The following STK17B variants were observed in gnomAD, a reference collection of about 807,000 sequenced individuals.
STK17B encodes serine/threonine-protein kinase 17B.
STK17B carries 21 observed loss-of-function variants against 42.0 expected under a neutral mutation model. The observed-to-expected ratio is 0.50, with a 90% CI of 0.35 to 0.72. The LOEUF (loss-of-function observed/expected upper bound fraction) is 0.72. Ranked by LOEUF, STK17B falls within the 30% of genes least tolerant of loss-of-function variation. STK17B has a pLI of 0.00. For missense variants in STK17B, 349 were observed against 446.0 expected (o/e 0.78, Z 1.96); for synonymous variants, 143 against 148.4 (o/e 0.96, Z 0.26).
chr2:196,157,229 G>A (rs2105703349), intron 2 of STK17B, among the ~76,000 whole-genome samples: 1 of 151,858 alleles, frequency 6.6e-6, no homozygotes, highest in East Asian at 1.9e-4. Context: ...CCATGCTCTT[G>A]ATATAAATTA....
At chr2:196,156,268 G>A (rs760629395) in intron 3 of STK17B, 171 bp downstream of exon 3, 71 of 566,566 alleles carry the variant, frequency 1.3e-4, no homozygotes, top group Non-Finnish European at 1.6e-4. Flanking sequence ...GTATGTGCCC[G>A]AGGCTATACA....
chr2:196,159,742 A>G (rs6753808), intron 2 of STK17B, among the ~76,000 whole-genome samples: 111,147 of 152,144 alleles, frequency 0.73, 41,047 homozygotes, highest in East Asian at 0.92. Context: ...CAGGGACCAT[A>G]TCTGTCCTAA....
At chr2:196,139,324 T>C (rs1379708187) in intron 7 of STK17B, among the ~76,000 whole-genome samples, 2 of 152,364 alleles carry the variant, frequency 1.3e-5, no homozygotes, top group East Asian at 1.9e-4. Context: ...GCCATGTGTA[T>C]TGTAAATTTC....
At position 196,137,492 on chromosome 2, in the gene STK17B, G is replaced by A. The variant is rs761128810; in HGVS notation, c.1074C>T (p.Asp358=). 4.3e-6 allele frequency: 7 copies of A among 1,614,132 alleles called. No individual in the cohort carries two copies. The highest frequency in any genetic ancestry group is 4.5e-5 in the East Asian group (2 of 44,852). ...SMVSKRFRFD[D]SLPNPHELVS... ...CAAGTTCATGGGGATTGGGTAATGA[G>A]TCATCGAAACGAAATCTTTTGGAAA... Residue 358 remains aspartate, a synonymous_variant, in exon 8 of 8, where the codon GAC becomes GAT. Transcript: ENST00000263955.
intron 1 of STK17B, among the ~76,000 whole-genome samples, chr2:196,169,229 C>T (rs1459396048): frequency 1.3e-5 from 2 of 151,968 alleles, no homozygotes; most frequent in African/African-American, 4.8e-5. Flanking sequence ...GCGCGCGCCA[C>T]AATGCCCGGC....
At chr2:196,164,788 C>T (rs949192326) in intron 1 of STK17B, among the ~76,000 whole-genome samples, 14 of 152,170 alleles carry the variant, frequency 9.2e-5, no homozygotes, top group African/African-American at 3.4e-4. Flanking sequence ...TCAGCCTGGG[C>T]GATAGATGGA....
rs759256129 is a variant in STK17B, at chr2:196,141,312, A to G, written c.608-15T>C. ...GATTTCTGGAGCTGAAAGAAAAGAT[A>G]AAACTTAAATTCAATATTGACAAAT... On this transcript the variant is annotated splice_polypyrimidine_tract_variant and intron_variant, in intron 5 of 7. Coordinates refer to ENST00000263955, the MANE Select transcript of STK17B (RefSeq NM_004226.4). 6.3e-7 allele frequency: 1 copy of G among 1,594,888 alleles called. No homozygotes were observed. The highest frequency in any genetic ancestry group is 2.0e-4 in the Middle Eastern group (1 of 4,924).
At chr2:196,160,824 G>GT (rs1249598407) in intron 2 of STK17B, among the ~76,000 whole-genome samples, 1 of 152,090 alleles carries the variant, frequency 6.6e-6, no homozygotes, top group African/African-American at 2.4e-5. Context: ...TCTATCATGA[G>GT]TTTTTGATCT....
intron 3 of STK17B, among the ~76,000 whole-genome samples, chr2:196,149,373 C>T (rs1036963683): frequency 1.3e-5 from 2 of 152,074 alleles, no homozygotes; most frequent in Non-Finnish European, 1.5e-5. Flanking sequence ...ACCGTGTTAG[C>T]CAGGATGGTC....
At chr2:196,158,467 A>C (rs1464368099) in intron 2 of STK17B, among the ~76,000 whole-genome samples, 2 of 152,310 alleles carry the variant, frequency 1.3e-5, no homozygotes, top group African/African-American at 4.8e-5. Flanking sequence ...TTAACTATAA[A>C]ATATTTTCTC....
At chr2:196,148,115 T>C (rs1699609204) in intron 3 of STK17B, among the ~76,000 whole-genome samples, 1 of 152,240 alleles carries the variant, frequency 6.6e-6, no homozygotes, top group African/African-American at 2.4e-5. Context: ...AAATTTATAG[T>C]AGTGAACTCC....
At chr2:196,140,327 T>C (rs920420847) in intron 6 of STK17B, among the ~76,000 whole-genome samples, 2 of 152,198 alleles carry the variant, frequency 1.3e-5, no homozygotes, top group Non-Finnish European at 2.9e-5. Flanking sequence ...ATACCATCTT[T>C]TTTCCTGGGC....
upstream of STK17B, among the ~76,000 whole-genome samples, chr2:196,171,887 A>G (rs1336760972): frequency 6.6e-6 from 1 of 151,998 alleles, no homozygotes; most frequent in African/African-American, 2.4e-5. Flanking sequence ...TGCTCTGTGT[A>G]CTCCTTCCCA....
intron 2 of STK17B, among the ~76,000 whole-genome samples, chr2:196,162,699 A>T (rs1219655852): frequency 6.6e-6 from 1 of 151,770 alleles, no homozygotes; most frequent in Non-Finnish European, 1.5e-5. Context: ...GGAGTTGGAG[A>T]CCAGCCTGGG....
At chr2:196,138,027 A>G (rs1237831707) in intron 7 of STK17B, among the ~76,000 whole-genome samples, 2 of 152,234 alleles carry the variant, frequency 1.3e-5, no homozygotes, top group Non-Finnish European at 2.9e-5. Context: ...AAAGTAGGGT[A>G]CCAGGAGGCT....
chr2:196,170,779 T>C (rs1203063354), intron 1 of STK17B: 1 of 152,192 alleles, frequency 6.6e-6, no homozygotes, highest in Non-Finnish European at 1.5e-5. Context: ...CTCGCTGGTT[T>C]TAAAACACTG....
rs546378122 is a variant in STK17B, at chr2:196,148,961, G to A, written c.336-2906C>T. ...CTAGCTCTGTCACTAACTAGGCTAG[G>A]TGAACTGGGACAAAATGTGCCTCTG... On this transcript the variant is annotated intron_variant, in intron 3 of 7. Transcript: ENST00000263955. 2.0e-5 allele frequency among the ~76,000 whole-genome samples: 3 copies of A among 152,286 alleles called. No homozygotes were observed. In the East Asian group the frequency reaches 5.8e-4, roughly 29 times the overall value.
rs779704372 is a variant in STK17B at position 196,145,990 on chromosome 2, T to C, written c.401A>G (p.Asp134Gly). The C allele has an allele frequency of 3.1e-6, 5 of 1,608,382 alleles. No individual in the cohort carries two copies. The highest frequency in any genetic ancestry group is 4.2e-6 in the Non-Finnish European group (5 of 1,178,398). Residue 134 changes from aspartate to glycine, a missense_variant, in exon 4 of 8, where the codon GAT becomes GGT. Coordinates refer to ENST00000263955, the MANE Select transcript of STK17B (RefSeq NM_004226.4). ...TATTTGTTTAATGAGTCTGATAACA[T>C]CATTTTCAGAAACCATTTCAGCCAA... ...PELAEMVSEN[D>G]VIRLIKQILE...
At chr2:196,149,446 G>T (rs1012878742) in intron 3 of STK17B, among the ~76,000 whole-genome samples, 1 of 152,150 alleles carries the variant, frequency 6.6e-6, no homozygotes, top group Non-Finnish European at 1.5e-5. Flanking sequence ...TTACAGGCAT[G>T]AGCCACTGGG....
Sources: gnomAD v4.1 joint callset for allele counts (sites outside exome capture counted in the v4.1 genomes callset) on GRCh38, gnomAD v4.1.1 for gene constraint, MANE v1.5 for transcripts, NCBI Gene and HGNC (gene_info 2026-07-23, HGNC 2026-07-21) for gene names.